Variants in MTUS2 observed in about 807,000 individuals in gnomAD.
MTUS2 encodes microtubule associated scaffold protein 2.
In MTUS2, 40 loss-of-function variants were observed where a neutral mutation model predicts 114.1. That is an observed-to-expected ratio of 0.35 (90% CI 0.27 to 0.46). The LOEUF is 0.46. MTUS2 is among the 20% of genes least tolerant of loss of function. The pLI is 1.00. For synonymous variants in MTUS2, 688 were observed against 672.0 expected (o/e 1.02, Z -0.37); for missense variants, 1,679 against 1,705.4 (o/e 0.98, Z 0.27).
chr13:29,424,340 A>G (rs531744103), intron 8 of MTUS2, among the ~76,000 whole-genome samples: 21 of 149,478 alleles, frequency 1.4e-4, no homozygotes, highest in African/African-American at 5.2e-4. Context: ...GTGTACAAAT[A>G]TGTATCAATT....
chr13:29,183,206 C>G (rs1313994776), intron 5 of MTUS2, among the ~76,000 whole-genome samples: 1 of 152,060 alleles, frequency 6.6e-6, no homozygotes, highest in Admixed American at 6.6e-5. Flanking sequence ...TCTGGCTACA[C>G]TTTGGAGTCA....
At chr13:29,270,616 A>G (rs1040424068) in intron 5 of MTUS2, among the ~76,000 whole-genome samples, 3 of 152,126 alleles carry the variant, frequency 2.0e-5, no homozygotes, top group East Asian at 1.9e-4. Context: ...ATCTCTCCCT[A>G]TGGGGAGGAA....
intron 7 of MTUS2, among the ~76,000 whole-genome samples, chr13:29,348,900 C>G (rs945815544): frequency 2.0e-5 from 3 of 152,138 alleles, no homozygotes; most frequent in African/African-American, 7.2e-5. Flanking sequence ...ATGGTATAAT[C>G]TTTCCATACT....
intron 5 of MTUS2, among the ~76,000 whole-genome samples, chr13:29,167,250 C>T (rs774573769): frequency 1.8e-4 from 28 of 152,088 alleles, no homozygotes; most frequent in Admixed American, 1.3e-3. Flanking sequence ...TTGCGGGCGC[C>T]TGTAGTCCCA....
chr13:29,478,278 T>G (rs1056480467), intron 9 of MTUS2, among the ~76,000 whole-genome samples: 1 of 152,194 alleles, frequency 6.6e-6, no homozygotes, highest in Admixed American at 6.5e-5. Flanking sequence ...GGCAGCACTA[T>G]TGTAGCAATG....
intron 2 of MTUS2, among the ~76,000 whole-genome samples, chr13:28,940,298 G>A (rs1264533861): frequency 2.6e-5 from 4 of 152,136 alleles, no homozygotes; most frequent in African/African-American, 9.7e-5. Flanking sequence ...AAAGGAATTA[G>A]GTACTGATAC....
intron 7 of MTUS2, among the ~76,000 whole-genome samples, chr13:29,358,742 G>T (rs1227137106): frequency 6.6e-6 from 1 of 152,202 alleles, no homozygotes; most frequent in African/African-American, 2.4e-5. Context: ...TTTAAAGTCA[G>T]GAGTTGCTAG....
intron 8 of MTUS2, among the ~76,000 whole-genome samples, chr13:29,386,268 G>A (rs9506171): frequency 0.45 from 68,327 of 152,036 alleles, 18,519 homozygotes; most frequent in Admixed American, 0.59. Context: ...GAGGGAGATG[G>A]GACTCAACTG....
chr13:28,860,954 T>C (rs910880201), intron 2 of MTUS2, among the ~76,000 whole-genome samples: 1 of 152,158 alleles, frequency 6.6e-6, no homozygotes, highest in Non-Finnish European at 1.5e-5. Flanking sequence ...CAGTAACAAA[T>C]GCTGTTCTTA....
At chr13:29,433,130 C>G (rs1337844950) in intron 8 of MTUS2, among the ~76,000 whole-genome samples, 3 of 152,180 alleles carry the variant, frequency 2.0e-5, no homozygotes, top group Non-Finnish European at 2.9e-5. Context: ...AATCTCTGTC[C>G]TTTGCCATTG....
chr13:29,156,763 T>C (rs1892877982), intron 5 of MTUS2, among the ~76,000 whole-genome samples: 1 of 152,182 alleles, frequency 6.6e-6, no homozygotes, highest in Non-Finnish European at 1.5e-5. Context: ...TCTTTTAAAA[T>C]TATTCTGAAG....
At chr13:29,457,116 G>A (rs1338199654) in intron 9 of MTUS2, among the ~76,000 whole-genome samples, 1 of 150,538 alleles carries the variant, frequency 6.6e-6, no homozygotes, top group African/African-American at 2.5e-5. Flanking sequence ...CTGCACTCCA[G>A]CCTGGGCGAC....
intron 2 of MTUS2, among the ~76,000 whole-genome samples, chr13:28,972,876 T>C (rs1041093195): frequency 1.3e-5 from 2 of 152,200 alleles, no homozygotes; most frequent in Non-Finnish European, 2.9e-5. Flanking sequence ...AAGAGAAATG[T>C]TCAGGCAGAG....
At chr13:29,403,010 C>T (rs1208356946) in intron 8 of MTUS2, among the ~76,000 whole-genome samples, 2 of 152,212 alleles carry the variant, frequency 1.3e-5, no homozygotes, top group Non-Finnish European at 2.9e-5. Context: ...GCTGGGATTA[C>T]AGGCGTGAGC....
chr13:29,185,624 T>G (rs1206005425), intron 5 of MTUS2, among the ~76,000 whole-genome samples: 1 of 152,210 alleles, frequency 6.6e-6, no homozygotes, highest in Non-Finnish European at 1.5e-5. Context: ...AGCAGTGGGA[T>G]GACATATTCA....
chr13:29,470,365 C>A (rs2048664522), intron 9 of MTUS2, among the ~76,000 whole-genome samples: 1 of 152,130 alleles, frequency 6.6e-6, no homozygotes, highest in African/African-American at 2.4e-5. Context: ...AGGATTGTGA[C>A]CCAGAGGGGA....
chr13:29,128,708 T>G (rs954769311), intron 5 of MTUS2, among the ~76,000 whole-genome samples: 1 of 152,132 alleles, frequency 6.6e-6, no homozygotes, highest in African/African-American at 2.4e-5. Flanking sequence ...TATTTAAAAT[T>G]TTTGATGCTA....
intron 2 of MTUS2, among the ~76,000 whole-genome samples, chr13:28,985,440 T>C (rs1428993434): frequency 6.6e-6 from 1 of 152,238 alleles, no homozygotes; most frequent in African/African-American, 2.4e-5. Flanking sequence ...TGGTATATTG[T>C]TATAATAACT....
intron 6 of MTUS2, among the ~76,000 whole-genome samples, chr13:29,293,643 C>A (rs1898812191): frequency 6.6e-6 from 1 of 151,994 alleles, no homozygotes; most frequent in African/African-American, 2.4e-5. Context: ...ACTTTCTATG[C>A]AGCATTGGTT....
Sources: gnomAD v4.1 joint callset for allele counts (sites outside exome capture counted in the v4.1 genomes callset) on GRCh38, gnomAD v4.1.1 for gene constraint, MANE v1.5 for transcripts, NCBI Gene and HGNC (gene_info 2026-07-23, HGNC 2026-07-21) for gene names.